Variants in TLL2 observed in about 807,000 individuals in gnomAD.
TLL2 encodes the protein tolloid like 2.
TLL2 carries 106 observed loss-of-function variants against 123.0 expected under a neutral mutation model. The observed-to-expected ratio is 0.86, with a 90% CI of 0.74 to 1.01. The LOEUF (loss-of-function observed/expected upper bound fraction) is 1.01. Among genes scored for constraint, TLL2 ranks in the 50% least tolerant of loss-of-function variants. The pLI is 0.00. For synonymous variants in TLL2, 494 were observed against 516.8 expected (o/e 0.96, Z 0.60); for missense variants, 1,332 against 1,336.7 (o/e 1.00, Z 0.06).
chr10:96,411,904 G>A (rs1352117265), intron 8 of TLL2, among the ~76,000 whole-genome samples: 3 of 152,150 alleles, frequency 2.0e-5, no homozygotes, highest in Non-Finnish European at 4.4e-5. Context: ...CAGGCATCAT[G>A]AGGATTATGC....
At chr10:96,389,366 C>T (rs1218548689) in intron 13 of TLL2, among the ~76,000 whole-genome samples, 6 of 152,178 alleles carry the variant, frequency 3.9e-5, no homozygotes, top group Non-Finnish European at 8.8e-5. Context: ...TTCAAATTTC[C>T]AGTGAGTAGA....
intron 2 of TLL2, among the ~76,000 whole-genome samples, chr10:96,474,576 G>C (rs1452180168): frequency 6.6e-6 from 1 of 152,226 alleles, no homozygotes; most frequent in Non-Finnish European, 1.5e-5. Context: ...CATTTGGCTA[G>C]AGGACCAGGA....
At chr10:96,392,094 C>T (rs191014775) in intron 13 of TLL2, among the ~76,000 whole-genome samples, 14 of 152,264 alleles carry the variant, frequency 9.2e-5, no homozygotes, top group Admixed American at 4.6e-4. Flanking sequence ...CTTTCCTCGG[C>T]GTCTCCAGCC....
intron 1 of TLL2, among the ~76,000 whole-genome samples, chr10:96,503,371 AAG>A (rs1847552007): frequency 6.6e-6 from 1 of 152,210 alleles, no homozygotes; most frequent in Non-Finnish European, 1.5e-5. Context: ...ATCCTCAAAC[AAG>A]ATTATATGAT....
intron 2 of TLL2, among the ~76,000 whole-genome samples, chr10:96,458,471 C>T (rs1160411472): frequency 6.6e-6 from 1 of 151,812 alleles, no homozygotes; most frequent in East Asian, 1.9e-4. Context: ...CCTGTAATCC[C>T]AGCTACTCGG....
chr10:96,476,241 TTTTA>T (rs1564914993), intron 2 of TLL2, among the ~76,000 whole-genome samples: 3 of 72,390 alleles, frequency 4.1e-5, no homozygotes, highest in South Asian at 5.1e-4. Context: ...TATATATATA[TTTTA>T]TTTTTGTTGT....
Position 96,376,773 on chromosome 10 carries a change from G to C in TLL2, c.2367C>G (p.Ser789Arg). 6.3e-7 allele frequency: 1 copy of C among 1,594,378 alleles called. No homozygotes were observed. The highest frequency in any genetic ancestry group is 8.5e-7 in the Non-Finnish European group (1 of 1,171,634). ...TGGGGTATTTGTCAGGCCAGTTGGG[G>C]CTCGCCAGGGTCCCCTCCACACTGC... ...KISSVEGTLA[S>R]PNWPDKYPSR... is the part of the protein sequence containing the mutation. The change falls in exon 18 of 21, where the codon AGC (serine) becomes AGG (arginine). Residue 789 changes from serine (S) to arginine (R), a missense_variant. Ser to Arg is a moderately radical substitution (Grantham distance 110). Coordinates refer to ENST00000357947, the MANE Select transcript of TLL2 (RefSeq NM_012465.4).
intron 16 of TLL2, among the ~76,000 whole-genome samples, chr10:96,381,223 C>G (rs147600347): frequency 6.7e-6 from 1 of 149,054 alleles, no homozygotes. Flanking sequence ...GTCCTCCAGC[C>G]GCCTGGCCCT....
chr10:96,454,164 A>T (rs542577287), intron 2 of TLL2, among the ~76,000 whole-genome samples: 10 of 152,246 alleles, frequency 6.6e-5, no homozygotes, highest in Admixed American at 5.9e-4. Flanking sequence ...AGAAAGAAAA[A>T]ATTCCGAGTC....
chr10:96,450,158 CATGGATGGATGGATGG>C lies in TLL2; in HGVS notation c.287-4006_287-3991del, dbSNP rs3033656. On this transcript the variant is annotated intron_variant, in intron 2 of 20. Coordinates refer to ENST00000357947, the MANE Select transcript of TLL2 (RefSeq NM_012465.4). ...GGATGGGTAGGTGGGTGAATGAATG[CATGGATGGATGGATGG>C]ATGGATGGATGGATGGATGGATGGA... Among the ~76,000 whole-genome samples, 24 of 150,780 alleles carry C rather than the reference CATGGATGGATGGATGG, an allele frequency of 1.6e-4. 1 individual carries two copies. The East Asian group carries it at 4.1e-3, about 26-fold the overall frequency.
intron 1 of TLL2, 142 bp from the exon 2 acceptor site, chr10:96,480,601 A>G: frequency 2.9e-6 from 2 of 677,984 alleles, no homozygotes; most frequent in South Asian, 3.4e-5. Flanking sequence ...CTTGAGCCTA[A>G]GAGATAGGGC....
intron 5 of TLL2, among the ~76,000 whole-genome samples, 175 bp from the exon 6 acceptor site, chr10:96,422,902 C>T (rs1353044071): frequency 1.3e-5 from 2 of 152,082 alleles, no homozygotes; most frequent in African/African-American, 2.4e-5. Context: ...CCGAGGTGGG[C>T]GGATCACCTG....
At chr10:96,510,195 C>T (rs1209671346) in intron 1 of TLL2, among the ~76,000 whole-genome samples, 2 of 152,194 alleles carry the variant, frequency 1.3e-5, no homozygotes, top group East Asian at 3.9e-4. Context: ...CAGGAACAGT[C>T]CTCCCAAGCT....
intron 3 of TLL2, among the ~76,000 whole-genome samples, chr10:96,436,846 C>T (rs1033304220): frequency 1.5e-4 from 23 of 151,992 alleles, no homozygotes; most frequent in Admixed American, 7.2e-4. Context: ...CCACCACCCC[C>T]GGCTAATTTT....
At chr10:96,502,111 T>G (rs1031532773) in intron 1 of TLL2, among the ~76,000 whole-genome samples, 77 of 152,258 alleles carry the variant, frequency 5.1e-4, no homozygotes, top group African/African-American at 1.8e-3. Flanking sequence ...AGCTGAGTCC[T>G]GGAGGATGAG....
chr10:96,447,776 C>T (rs1191762342), intron 2 of TLL2, among the ~76,000 whole-genome samples: 1 of 152,166 alleles, frequency 6.6e-6, no homozygotes, highest in African/African-American at 2.4e-5. Flanking sequence ...CCCAGTCTCC[C>T]CTTTAACCCT....
intron 4 of TLL2, among the ~76,000 whole-genome samples, chr10:96,431,267 T>TC (rs1846736616): frequency 1.1e-5 from 1 of 89,000 alleles, no homozygotes; most frequent in South Asian, 3.8e-4. Context: ...ATCTTAGTCA[T>TC]CTTTTTTACC....
At chr10:96,466,626 T>A (rs1389179557) in intron 2 of TLL2, among the ~76,000 whole-genome samples, 1 of 152,178 alleles carries the variant, frequency 6.6e-6, no homozygotes. Flanking sequence ...TGTCTGTTGT[T>A]TTCTAAGAAG....
At chr10:96,403,882 G>T (rs553318093) in intron 10 of TLL2, among the ~76,000 whole-genome samples, 8 of 152,126 alleles carry the variant, frequency 5.3e-5, no homozygotes, top group Non-Finnish European at 1.0e-4. Flanking sequence ...CAGCAATGCT[G>T]CCTTGTTATT....
Sources: gnomAD v4.1 joint callset for allele counts (sites outside exome capture counted in the v4.1 genomes callset) on GRCh38, gnomAD v4.1.1 for gene constraint, MANE v1.5 for transcripts, NCBI Gene and HGNC (gene_info 2026-07-23, HGNC 2026-07-21) for gene names.